Variants in NAT10 observed in about 807,000 individuals in gnomAD.
NAT10 encodes N-acetyltransferase 10.
A neutral mutation model predicts 132.2 loss-of-function variants in NAT10; 109 were observed. The observed-to-expected ratio is 0.82, with a 90% CI of 0.71 to 0.97. NAT10 has a LOEUF of 0.97. Ranked by LOEUF, NAT10 falls within the 50% of genes least tolerant of loss-of-function variation. NAT10 has a pLI of 0.00. For missense variants in NAT10, 1,184 were observed against 1,263.4 expected (o/e 0.94, Z 0.95); for synonymous variants, 479 against 478.0 (o/e 1.00, Z -0.03).
Position 34,143,477 on chromosome 11 carries a change from A to T in NAT10, c.2918A>T (p.Asn973Ile). 1 of 1,614,146 alleles carries T rather than the reference A, an allele frequency of 6.2e-7. No homozygotes were observed. Among genetic ancestry groups the T allele is most frequent in the Non-Finnish European group, 8.5e-7 (1 of 1,180,004 alleles). The change falls in exon 28 of 29, where the codon AAT becomes ATT. Residue 973 changes from asparagine (N) to isoleucine (I), a missense_variant. Asn to Ile is a moderately radical substitution (Grantham distance 149, BLOSUM62 -3). Transcript: ENST00000257829. ...YIIRGDDEEW[N>I]EVLNKAGPNA... Reference sequence around the variant, plus strand: ...ATCCGTGGGGACGATGAAGAGTGGAATGAAGTTTTGAACAAAGCTGGGCCG... The same window carrying T: ...ATCCGTGGGGACGATGAAGAGTGGATTGAAGTTTTGAACAAAGCTGGGCCG...
In NAT10 at chr11:34,132,130, A is replaced by T. The variant is rs1464013273; in HGVS notation, c.1526A>T (p.Tyr509Phe). ...CPLPEACELY[Y>F]VNRDTLFCYH... The stretch of plus-strand genomic sequence containing the variant: ...TTTCTTAACTCCAGACCCAGGTACT[A>T]TGTTAATAGAGATACCCTCTTTTGC... Residue 509 changes from tyrosine (Y) to phenylalanine (F), a missense_variant, in exon 15 of 29, where the codon TAT (tyrosine) becomes TTT (phenylalanine). Transcript: ENST00000257829. 6.2e-7 allele frequency: 1 copy of T among 1,612,576 alleles called. No individual in the cohort carries two copies. Among genetic ancestry groups the T allele is most frequent in the Non-Finnish European group, 8.5e-7 (1 of 1,178,772 alleles).
chr11:34,141,575 A>G, intron 25 of NAT10, 144 bp from the exon 26 acceptor site: 1 of 724,026 alleles, frequency 1.4e-6, no homozygotes, highest in Non-Finnish European at 2.3e-6. Context: ...CTTCCCGCTA[A>G]TATCCACATT....
chr11:34,135,991 A>G (rs931270342), intron 19 of NAT10, among the ~76,000 whole-genome samples: 1 of 151,726 alleles, frequency 6.6e-6, no homozygotes, highest in African/African-American at 2.4e-5. Context: ...TCAAGCTCAG[A>G]GGTTTGTCAC....
At chr11:34,139,061 C>T in intron 21 of NAT10, 130 bp from the exon 22 acceptor site, 1 of 801,010 alleles carries the variant, frequency 1.2e-6, no homozygotes, top group South Asian at 1.7e-5. Flanking sequence ...GCGCCTACCC[C>T]CAGCCTGGAA....
At chr11:34,119,680 A>G (rs759457224) in intron 8 of NAT10, among the ~76,000 whole-genome samples, 1 of 152,276 alleles carries the variant, frequency 6.6e-6, no homozygotes, top group Admixed American at 6.5e-5. Context: ...AACAACTGCT[A>G]TTAACAGTTT....
chr11:34,113,007 C>T (rs1851722279), intron 4 of NAT10, among the ~76,000 whole-genome samples: 1 of 152,244 alleles, frequency 6.6e-6, no homozygotes, highest in Non-Finnish European at 1.5e-5. Context: ...GTCTCCTATA[C>T]TGCTGGCTTG....
Position 34,108,776 on chromosome 11 carries a change from C to A in NAT10, c.143C>A (p.Thr48Asn), listed in dbSNP as rs1851640805. 6.2e-7 allele frequency: 1 copy of A among 1,613,810 alleles called. No homozygotes were observed. Among genetic ancestry groups the A allele is most frequent in the Non-Finnish European group, 8.5e-7 (1 of 1,179,894 alleles). ...CTTCATCACATGTTATCCAAAGCAA[C>A]TGTGAAGGCTCGGCCTTCAGTGCTG... The part of the protein sequence containing the change: ...VILHHMLSKA[T>N]VKARPSVLWC... The change falls in exon 3 of 29, where the codon ACT becomes AAT. Residue 48 changes from threonine to asparagine, a missense_variant. Coordinates refer to ENST00000257829, the MANE Select transcript of NAT10 (RefSeq NM_024662.3).
chr11:34,143,519 G>C lies in NAT10; in HGVS notation c.2960G>C (p.Ser987Thr), dbSNP rs1264178490. The C allele has an allele frequency of 1.2e-6, 2 of 1,613,932 alleles. No individual in the cohort carries two copies. The highest frequency in any genetic ancestry group is 8.5e-7 in the Non-Finnish European group (1 of 1,179,910). The change falls in exon 28 of 29, where the codon AGC (serine) becomes ACC (threonine). Residue 987 changes from serine (S) to threonine (T), a missense_variant. Transcript: ENST00000257829. ...NKAGPNASIISLKSDKKRKLE... is the reference protein window; with the variant it reads ...NKAGPNASIITLKSDKKRKLE... ...GCTGGGCCGAACGCCTCGATCATCAGCCTGAAAAGGTGAGGGCCCAGGGTC... is the reference window on the plus strand; with the variant it reads ...GCTGGGCCGAACGCCTCGATCATCACCCTGAAAAGGTGAGGGCCCAGGGTC...
At chr11:34,131,577 G>A (rs571733295) in intron 14 of NAT10, 46 bp downstream of exon 14, 5 of 1,549,002 alleles carry the variant, frequency 3.2e-6, no homozygotes, top group African/African-American at 1.4e-5. Context: ...GGAGAGGGGC[G>A]GTGAAAGAAT....
intron 8 of NAT10, 103 bp from the exon 9 acceptor site, chr11:34,122,356 T>G: frequency 6.8e-7 from 1 of 1,477,426 alleles, no homozygotes; most frequent in South Asian, 1.2e-5. Context: ...TGCCGCCCTC[T>G]TATTTAGCCT....
chr11:34,141,232 G>C, intron 25 of NAT10, 24 bp downstream of exon 25: 1 of 1,613,484 alleles, frequency 6.2e-7, no homozygotes, highest in East Asian at 2.2e-5. Flanking sequence ...GAGGGCAGGG[G>C]CTTGATGTCT....
At chr11:34,110,201 C>T (rs1363115231) in intron 3 of NAT10, among the ~76,000 whole-genome samples, 7 of 152,110 alleles carry the variant, frequency 4.6e-5, no homozygotes, top group Non-Finnish European at 8.8e-5. Flanking sequence ...CTGGCTTGTG[C>T]GATTCTGTCC....
At chr11:34,111,500 A>T in intron 3 of NAT10, among the ~76,000 whole-genome samples, 1 of 152,258 alleles carries the variant, frequency 6.6e-6, no homozygotes, top group Non-Finnish European at 1.5e-5. Flanking sequence ...AAAAAAATTC[A>T]GGAATTCCTT....
intron 8 of NAT10, among the ~76,000 whole-genome samples, chr11:34,119,424 G>A (rs1317078541): frequency 6.6e-6 from 1 of 152,224 alleles, no homozygotes; most frequent in Admixed American, 6.5e-5. Flanking sequence ...ATGATCAGCA[G>A]CTACATAGCT....
intron 19 of NAT10, among the ~76,000 whole-genome samples, chr11:34,135,651 AT>A (rs1852196431): frequency 6.6e-6 from 1 of 152,210 alleles, no homozygotes; most frequent in Non-Finnish European, 1.5e-5. Flanking sequence ...AAGTTCTGTC[AT>A]TCCTTGATAA....
At chr11:34,125,274 T>C (rs1412128606) in intron 11 of NAT10, among the ~76,000 whole-genome samples, 1 of 152,136 alleles carries the variant, frequency 6.6e-6, no homozygotes, top group Non-Finnish European at 1.5e-5. Flanking sequence ...CTGCTGTTGG[T>C]GAGGGTCAGG....
At chr11:34,133,560 T>C (rs1267432603) in intron 16 of NAT10, among the ~76,000 whole-genome samples, 2 of 152,228 alleles carry the variant, frequency 1.3e-5, no homozygotes, top group African/African-American at 4.8e-5. Context: ...AGTAATCTGC[T>C]TTTATTTTTA....
rs769864405 is a variant in NAT10 at position 34,140,519 on chromosome 11, C to T, written c.2539C>T (p.Arg847Cys). Residue 847 changes from arginine (R) to cysteine (C), a missense_variant, in exon 24 of 29, where the codon CGC becomes TGC. Arg to Cys is a radical substitution (Grantham distance 180, BLOSUM62 -3). Coordinates refer to ENST00000257829, the MANE Select transcript of NAT10 (RefSeq NM_024662.3). Reference protein sequence around the residue: ...LIMDMIPAISRIYFLNQLGDL... With the variant: ...LIMDMIPAISCIYFLNQLGDL... ...CATGGACATGATCCCGGCCATCTCT[C>T]GCATCTATTTCCTGAACCAGCTGGG... The T allele has an allele frequency of 1.9e-5, 30 of 1,614,046 alleles. No homozygotes were observed. Among genetic ancestry groups the T allele is most frequent in the South Asian group, 4.4e-5 (4 of 91,080 alleles).
In NAT10 at chr11:34,124,397, T is replaced by A; in HGVS notation, c.1104T>A (p.Ile368=). ...TATTTCGAGAACACAGGCAGACTATTCAGGTGAGGCTTGTTCTCAGACCCT... is the reference window on the plus strand; with the variant it reads ...TATTTCGAGAACACAGGCAGACTATACAGGTGAGGCTTGTTCTCAGACCCT... ...VNVFREHRQT[I]QYIHPADAVK... The change falls in exon 11 of 29, where the codon ATT becomes ATA. Residue 368 remains isoleucine, a synonymous_variant. Transcript: ENST00000257829. 6.2e-7 allele frequency: 1 copy of A among 1,612,456 alleles called. No individual in the cohort carries two copies. Among genetic ancestry groups the A allele is most frequent in the African/African-American group, 1.3e-5 (1 of 75,006 alleles).
Sources: allele counts gnomAD v4.1 joint callset (sites outside exome capture counted in the v4.1 genomes callset), GRCh38; gene constraint gnomAD v4.1.1; transcripts MANE v1.5; gene names NCBI Gene and HGNC (gene_info 2026-07-23, HGNC 2026-07-21).